Variants in PLPP3 observed in about 807,000 individuals in gnomAD.
PLPP3 encodes the protein PAP2 beta.
A neutral mutation model predicts 29.6 loss-of-function variants in PLPP3; 6 were observed. That is an observed-to-expected ratio of 0.20 (90% CI 0.11 to 0.40). PLPP3 has a LOEUF of 0.40. Ranked by LOEUF, PLPP3 falls within the 10% of genes least tolerant of loss-of-function variation. PLPP3 has a pLI of 1.00. For synonymous variants in PLPP3, 152 were observed against 159.7 expected (o/e 0.95, Z 0.36); for missense variants, 308 against 407.7 (o/e 0.76, Z 2.11).
chr1:56,524,439 G>A lies in PLPP3; in HGVS notation c.413C>T (p.Ala138Val). ...AATGTCTGTGAAAGACTGGCTGATG[G>A]CACAGCCAAAGAGGAAGCAGCCCAC... Reference protein sequence around the residue: ...KQVGCFLFGCAISQSFTDIAK... With the variant: ...KQVGCFLFGCVISQSFTDIAK... The change falls in exon 3 of 6, where the codon GCC (alanine) becomes GTC (valine). Residue 138 changes from alanine to valine, a missense_variant. By Grantham distance (64) the Ala-to-Val change is moderately conservative (BLOSUM62 0). Coordinates refer to ENST00000371250, the MANE Select transcript of PLPP3 (RefSeq NM_003713.5). This position sits in a 1 kb window ranked among gnomAD's most constrained non-coding sequence, Gnocchi z 4.3. 1 of 1,614,102 alleles carries A rather than the reference G, an allele frequency of 6.2e-7. No individual in the cohort carries two copies. The highest frequency in any genetic ancestry group is 8.5e-7 in the Non-Finnish European group (1 of 1,179,960).
intron 1 of PLPP3, among the ~76,000 whole-genome samples, chr1:56,563,574 T>C (rs1557515533): frequency 1.3e-5 from 2 of 152,216 alleles, no homozygotes; most frequent in African/African-American, 2.4e-5. Context: ...CTCTCTGATA[T>C]ATTTTCAGTA....
intron 1 of PLPP3, among the ~76,000 whole-genome samples, chr1:56,553,801 T>C (rs982990842): frequency 7.2e-5 from 11 of 152,146 alleles, no homozygotes; most frequent in Admixed American, 4.6e-4. Flanking sequence ...TACACTTGGG[T>C]CCTAATTTTA....
chr1:56,500,280 A>T (rs1645658248), intron 5 of PLPP3, among the ~76,000 whole-genome samples: 1 of 152,212 alleles, frequency 6.6e-6, no homozygotes, highest in East Asian at 1.9e-4. Context: ...TAAACAGATG[A>T]CCACAATACA....
At chr1:56,536,356 T>C (rs1200050120) in intron 2 of PLPP3, among the ~76,000 whole-genome samples, 1 of 152,184 alleles carries the variant, frequency 6.6e-6, no homozygotes, top group Non-Finnish European at 1.5e-5. Flanking sequence ...TAGTCCACCT[T>C]TAAGAAACTA....
chr1:56,535,743 C>A (rs192521734), intron 2 of PLPP3, among the ~76,000 whole-genome samples: 18 of 152,256 alleles, frequency 1.2e-4, no homozygotes, highest in Non-Finnish European at 2.4e-4. Context: ...TCTAAAGAAG[C>A]TACTTTAGCA....
intron 4 of PLPP3, among the ~76,000 whole-genome samples, chr1:56,518,902 G>A (rs1228630618): frequency 3.9e-5 from 6 of 151,910 alleles, no homozygotes; most frequent in Non-Finnish European, 7.4e-5. Context: ...TATGTAGTAT[G>A]TCAGATGGTG....
intron 1 of PLPP3, among the ~76,000 whole-genome samples, chr1:56,562,669 C>T (rs991812002): frequency 1.3e-5 from 2 of 152,120 alleles, no homozygotes; most frequent in Admixed American, 6.5e-5. Context: ...AAACATTTGC[C>T]CAAGGTCACT....
chr1:56,526,129 A>G (rs1029411777), intron 2 of PLPP3, among the ~76,000 whole-genome samples: 1 of 152,216 alleles, frequency 6.6e-6, no homozygotes, highest in African/African-American at 2.4e-5. Flanking sequence ...TCTAGCCAGC[A>G]TCTTGGCATA....
intron 5 of PLPP3, among the ~76,000 whole-genome samples, chr1:56,506,352 A>G (rs1332119899): frequency 6.6e-6 from 1 of 152,164 alleles, no homozygotes; most frequent in Admixed American, 6.5e-5. Context: ...TCTTCTTCAC[A>G]CTGGCATTCT....
intron 5 of PLPP3, among the ~76,000 whole-genome samples, chr1:56,503,647 C>T (rs1208376506): frequency 6.6e-6 from 1 of 152,124 alleles, no homozygotes; most frequent in East Asian, 1.9e-4. Flanking sequence ...TGTGATTGCA[C>T]TCCAGCCTGC....
intron 2 of PLPP3, among the ~76,000 whole-genome samples, chr1:56,531,720 A>T (rs1264991932): frequency 1.3e-5 from 2 of 152,224 alleles, no homozygotes; most frequent in Non-Finnish European, 2.9e-5. Context: ...AAACAGATCT[A>T]GGTTTTAATT....
chr1:56,538,551 T>C, intron 1 of PLPP3: 1 of 380,966 alleles, frequency 2.6e-6, no homozygotes, highest in Non-Finnish European at 5.1e-6. Flanking sequence ...TATGAGAATC[T>C]ATGAGAAAGG....
intron 4 of PLPP3, chr1:56,513,137 A>T (rs1645755867): frequency 6.6e-6 from 1 of 152,576 alleles, no homozygotes. Context: ...TTTCAAATAG[A>T]AGTTGACAGA....
At chr1:56,539,663 A>AG (rs1283427417) in intron 1 of PLPP3, among the ~76,000 whole-genome samples, 1 of 152,110 alleles carries the variant, frequency 6.6e-6, no homozygotes. Flanking sequence ...AATGGAGGAG[A>AG]GGGGGGCAGG....
chr1:56,556,997 A>G (rs1396152989), intron 1 of PLPP3, among the ~76,000 whole-genome samples: 129 of 8,228 alleles, frequency 0.016, 11 homozygotes, highest in East Asian at 0.075. Flanking sequence ...AAAGAAAGAA[A>G]GAAAGAAAGA....
intron 1 of PLPP3, among the ~76,000 whole-genome samples, chr1:56,575,404 C>A (rs1646228986): frequency 6.6e-6 from 1 of 152,292 alleles, no homozygotes; most frequent in East Asian, 1.9e-4. Flanking sequence ...TTAGCTCAAC[C>A]ATTTAGTTGG....
At chr1:56,574,666 A>T (rs1178077432) in intron 1 of PLPP3, among the ~76,000 whole-genome samples, 1 of 152,258 alleles carries the variant, frequency 6.6e-6, no homozygotes, top group East Asian at 1.9e-4. Context: ...CATCCGGCGT[A>T]GGAAAAATCT....
chr1:56,559,062 T>C (rs1351918408), intron 1 of PLPP3, among the ~76,000 whole-genome samples: 1 of 152,204 alleles, frequency 6.6e-6, no homozygotes, highest in Non-Finnish European at 1.5e-5. Flanking sequence ...CACTAACTAG[T>C]GCCAGAGCTG....
At chr1:56,574,447 G>T (rs1646221825) in intron 1 of PLPP3, among the ~76,000 whole-genome samples, 1 of 151,894 alleles carries the variant, frequency 6.6e-6, no homozygotes, top group African/African-American at 2.4e-5. Flanking sequence ...TAGAGACAAG[G>T]TCTCACTATA....
Sources: allele counts gnomAD v4.1 joint callset (sites outside exome capture counted in the v4.1 genomes callset), GRCh38; gene constraint gnomAD v4.1.1; non-coding constraint Gnocchi (gnomAD v3.1); transcripts MANE v1.5; gene names NCBI Gene and HGNC (gene_info 2026-07-23, HGNC 2026-07-21).